PLCH1: variants seen among roughly 807,000 people sequenced by gnomAD.
PLCH1 encodes phospholipase C eta 1, also known as 1-phosphatidylinositol 4,5-bisphosphate phosphodiesterase eta-1.
A neutral mutation model predicts 126.7 loss-of-function variants in PLCH1; 60 were observed. That is an observed-to-expected ratio of 0.47 (90% CI 0.38 to 0.59). The LOEUF is 0.59. Ranked by LOEUF, PLCH1 falls within the 20% of genes least tolerant of loss-of-function variation. The pLI is 0.00. For synonymous variants in PLCH1, 719 were observed against 734.9 expected (o/e 0.98, Z 0.35); for missense variants, 1,723 against 2,040.0 (o/e 0.84, Z 2.99).
chr3:155,459,626 C>T (rs1305289278), intron 21 of PLCH1, among the ~76,000 whole-genome samples: 1 of 152,092 alleles, frequency 6.6e-6, no homozygotes, highest in Non-Finnish European at 1.5e-5. Flanking sequence ...GACACTGAAT[C>T]CCCCAGCTGT....
chr3:155,582,567 T>C (rs567706291), intron 6 of PLCH1, among the ~76,000 whole-genome samples: 3 of 152,318 alleles, frequency 2.0e-5, no homozygotes, highest in South Asian at 4.1e-4. Flanking sequence ...TACTGATTAT[T>C]GTACTATATA....
Position 155,526,149 on chromosome 3 carries a change from G to A in PLCH1, c.1363-2145C>T, listed in dbSNP as rs1307299951. 3.3e-5 allele frequency among the ~76,000 whole-genome samples: 5 copies of A among 152,240 alleles called. No homozygotes were observed. In the South Asian group the frequency reaches 6.2e-4, roughly 19 times the overall value. ...GGCTCTGAGGCTAAGAGGCCAAGGC[G>A]ACTGCAGTAGGCAGCCTCTAAATAA... On this transcript the variant is annotated intron_variant, in intron 10 of 22. Coordinates refer to ENST00000460012, the MANE Select transcript of PLCH1 (RefSeq NM_014996.4).
At chr3:155,569,921 C>T (rs895035646) in intron 6 of PLCH1, among the ~76,000 whole-genome samples, 2 of 152,136 alleles carry the variant, frequency 1.3e-5, no homozygotes, top group Admixed American at 6.5e-5. Context: ...GAATATGTTA[C>T]TAATTCAGGA....
At chr3:155,510,736 G>T (rs1719331839) in intron 12 of PLCH1, among the ~76,000 whole-genome samples, 1 of 106,848 alleles carries the variant, frequency 9.4e-6, no homozygotes, top group South Asian at 3.3e-4. Flanking sequence ...CTGTTAGTCT[G>T]ATGGGCTTTC....
At chr3:155,613,262 A>G (rs1319444076) in intron 2 of PLCH1, among the ~76,000 whole-genome samples, 1 of 152,220 alleles carries the variant, frequency 6.6e-6, no homozygotes, top group East Asian at 1.9e-4. Flanking sequence ...ACTATTCCAA[A>G]AGATAGAGAA....
At position 155,591,822 on chromosome 3, in the gene PLCH1, A is replaced by T. The variant is rs142859386; in HGVS notation, c.470+2119T>A. On this transcript the variant is annotated intron_variant, in intron 4 of 22. Transcript: ENST00000460012. ...TGGGCTTAGGCAATCTTCCCACCTC[A>T]GCCACCTGAGTAGCCGGCACTACAG... Among the ~76,000 whole-genome samples the T allele has an allele frequency of 2.0e-3, 310 of 152,166 alleles. 4 individuals carry two copies. Among genetic ancestry groups the T allele is most frequent in the African/African-American group, 6.2e-3 (259 of 41,514 alleles).
At chr3:155,620,272 A>C (rs1337788483) in intron 2 of PLCH1, among the ~76,000 whole-genome samples, 7 of 152,226 alleles carry the variant, frequency 4.6e-5, no homozygotes, top group Non-Finnish European at 8.8e-5. Context: ...CTCTGCATAA[A>C]AGATTTATTA....
At chr3:155,551,684 CAAAAAAAAAAAAAA>C (rs35872401) in intron 9 of PLCH1, among the ~76,000 whole-genome samples, 1 of 87,010 alleles carries the variant, frequency 1.1e-5, no homozygotes, top group East Asian at 3.1e-4. Context: ...AGCTCTCTAC[CAAAAAAAAAAAAAA>C]AAAAAAAAAA....
intron 2 of PLCH1, among the ~76,000 whole-genome samples, chr3:155,678,780 C>A (rs866892139): frequency 6.6e-6 from 1 of 152,180 alleles, no homozygotes; most frequent in Admixed American, 6.5e-5. Context: ...TTTCCAGATT[C>A]GTTCTAGCAT....
chr3:155,548,298 A>G (rs1347261651), intron 10 of PLCH1, among the ~76,000 whole-genome samples: 1 of 152,222 alleles, frequency 6.6e-6, no homozygotes, highest in Non-Finnish European at 1.5e-5. Flanking sequence ...GCTGGTCCGC[A>G]GATCCAGGCA....
chr3:155,475,719 T>C (rs1264079779), downstream of PLCH1, among the ~76,000 whole-genome samples: 3 of 151,918 alleles, frequency 2.0e-5, no homozygotes, highest in Admixed American at 6.6e-5. Flanking sequence ...CTAGAAGAAA[T>C]TGACAAATTT....
intron 8 of PLCH1, among the ~76,000 whole-genome samples, chr3:155,563,754 A>C (rs945066494): frequency 2.0e-5 from 3 of 152,136 alleles, no homozygotes; most frequent in African/African-American, 7.2e-5. Flanking sequence ...CCTCATTACC[A>C]AAAACTAAAA....
intron 7 of PLCH1, among the ~76,000 whole-genome samples, chr3:155,566,848 A>G (rs1728602338): frequency 6.6e-6 from 1 of 152,200 alleles, no homozygotes. Flanking sequence ...AATTATTTCA[A>G]GTTTTCAAAA....
At chr3:155,452,885 G>A (rs1036912787) in intron 21 of PLCH1, among the ~76,000 whole-genome samples, 3 of 152,124 alleles carry the variant, frequency 2.0e-5, no homozygotes, top group East Asian at 1.9e-4. Flanking sequence ...TAAATGCAGA[G>A]TATCCCATTC....
intron 10 of PLCH1, among the ~76,000 whole-genome samples, chr3:155,542,597 T>C (rs1414898338): frequency 3.3e-5 from 5 of 152,166 alleles, no homozygotes; most frequent in Non-Finnish European, 1.5e-5. Context: ...AGTGGGTCCC[T>C]GACCCCTGAC....
At chr3:155,599,810 C>T (rs974753724) in intron 2 of PLCH1, among the ~76,000 whole-genome samples, 1 of 152,200 alleles carries the variant, frequency 6.6e-6, no homozygotes, top group African/African-American at 2.4e-5. Flanking sequence ...ACAGGGTCCT[C>T]TGTTTTGTTC....
chr3:155,704,930 G>C (rs1200213561), intron 1 of PLCH1, among the ~76,000 whole-genome samples: 1 of 152,170 alleles, frequency 6.6e-6, no homozygotes, highest in Non-Finnish European at 1.5e-5. Context: ...CACAATGCTA[G>C]CTAGAGCAAC....
intron 10 of PLCH1, among the ~76,000 whole-genome samples, chr3:155,542,389 G>T (rs543207514): frequency 6.8e-6 from 1 of 146,334 alleles, no homozygotes; most frequent in Non-Finnish European, 1.5e-5. Context: ...CTGGAAGCTC[G>T]AACTGGGTGG....
At chr3:155,708,040 T>G (rs1488337064) in intron 1 of PLCH1, among the ~76,000 whole-genome samples, 3 of 152,184 alleles carry the variant, frequency 2.0e-5, no homozygotes, top group Admixed American at 2.0e-4. Context: ...GTTTCCCAGT[T>G]ACTGAGAACC....
Sources: gnomAD v4.1 joint callset for allele counts (sites outside exome capture counted in the v4.1 genomes callset) on GRCh38, gnomAD v4.1.1 for gene constraint, MANE v1.5 for transcripts, NCBI Gene and HGNC (gene_info 2026-07-23, HGNC 2026-07-21) for gene names.